Variants in NKAIN2 observed in about 807,000 individuals in gnomAD.
The protein encoded by NKAIN2 is sodium/potassium transporting ATPase interacting 2, also known as sodium/potassium-transporting ATPase subunit beta-1-interacting protein 2.
Under a neutral mutation model 32.6 loss-of-function variants are expected in NKAIN2, and 14 were observed. That is an observed-to-expected ratio of 0.43 (90% confidence interval 0.28 to 0.67). NKAIN2 has a LOEUF of 0.67. Among genes scored for constraint, NKAIN2 ranks in the 30% least tolerant of loss-of-function variants. The pLI, the probability that NKAIN2 is intolerant of heterozygous loss-of-function variation, is 0.17. For missense variants in NKAIN2, 198 were observed against 258.3 expected (o/e 0.77, Z 1.60); for synonymous variants, 80 against 87.2 (o/e 0.92, Z 0.46).
Position 124,063,230 on chromosome 6 carries a change from A to T in NKAIN2, c.55-219775A>T, listed in dbSNP as rs1265386477. ...ATATCTATCTGGTATTATTCTCATT[A>T]TGGAAAAAAATTAAAGACTTGAATT... On this transcript the variant is annotated intron_variant, in intron 1 of 6. Transcript: ENST00000368417. Among the ~76,000 whole-genome samples, 6 of 152,124 alleles carry T rather than the reference A, an allele frequency of 3.9e-5. No homozygotes were observed. The East Asian group carries it at 1.2e-3, about 29-fold the overall frequency.
chr6:123,869,223 T>C (rs961317009), intron 1 of NKAIN2, among the ~76,000 whole-genome samples: 1 of 152,232 alleles, frequency 6.6e-6, no homozygotes, highest in African/African-American at 2.4e-5. Context: ...CCCACACTTA[T>C]TCTTTCCTAG....
intron 1 of NKAIN2, among the ~76,000 whole-genome samples, chr6:124,037,004 A>G (rs548929120): frequency 2.6e-5 from 4 of 152,116 alleles, no homozygotes; most frequent in Non-Finnish European, 4.4e-5. Flanking sequence ...AGAGAACACT[A>G]GTCAGGTTAG....
chr6:124,298,461 G>A (rs1796155852), intron 2 of NKAIN2, among the ~76,000 whole-genome samples: 1 of 152,124 alleles, frequency 6.6e-6, no homozygotes, highest in Admixed American at 6.6e-5. Flanking sequence ...TGAAAATCAA[G>A]ATAAATATCA....
intron 4 of NKAIN2, among the ~76,000 whole-genome samples, chr6:124,727,391 G>T (rs1207675799): frequency 6.6e-6 from 1 of 151,802 alleles, no homozygotes; most frequent in Non-Finnish European, 1.5e-5. Context: ...GAAGAGAGTG[G>T]GGGCCAATAT....
At chr6:124,441,639 T>C (rs1775692091) in intron 3 of NKAIN2, among the ~76,000 whole-genome samples, 1 of 152,082 alleles carries the variant, frequency 6.6e-6, no homozygotes, top group African/African-American at 2.4e-5. Context: ...ATTGAGCAAG[T>C]ACACTTTCAG....
intron 2 of NKAIN2, among the ~76,000 whole-genome samples, chr6:124,321,704 C>G (rs1010014303): frequency 6.6e-6 from 1 of 152,124 alleles, no homozygotes; most frequent in Non-Finnish European, 1.5e-5. Flanking sequence ...AACCTGAGCT[C>G]TGGATGGCTA....
At chr6:124,324,038 G>A (rs185117545) in intron 2 of NKAIN2, among the ~76,000 whole-genome samples, 58 of 152,068 alleles carry the variant, frequency 3.8e-4, no homozygotes, top group Middle Eastern at 3.4e-3. Context: ...TGATCCACCC[G>A]CCTCAGCCTC....
intron 1 of NKAIN2, among the ~76,000 whole-genome samples, chr6:124,196,396 A>G (rs112072264): frequency 6.6e-6 from 1 of 152,110 alleles, no homozygotes; most frequent in African/African-American, 2.4e-5. Context: ...TCCCCATATT[A>G]TATATTTGGA....
intron 1 of NKAIN2, among the ~76,000 whole-genome samples, chr6:123,849,763 C>T (rs1775238232): frequency 6.6e-6 from 1 of 152,080 alleles, no homozygotes; most frequent in Admixed American, 6.5e-5. Flanking sequence ...TGTTAAATTA[C>T]TTCTTGGATT....
chr6:124,722,736 T>C (rs1424686751), intron 4 of NKAIN2, among the ~76,000 whole-genome samples: 1 of 152,234 alleles, frequency 6.6e-6, no homozygotes, highest in African/African-American at 2.4e-5. Flanking sequence ...GGGGGACCCC[T>C]GGCTTAAGGA....
At chr6:124,371,310 G>C (rs1799750553) in intron 3 of NKAIN2, among the ~76,000 whole-genome samples, 1 of 151,882 alleles carries the variant, frequency 6.6e-6, no homozygotes, top group African/African-American at 2.4e-5. Flanking sequence ...AACGAGACAA[G>C]AGTGTTTCCC....
chr6:124,231,623 G>A (rs1423788407), intron 1 of NKAIN2, among the ~76,000 whole-genome samples: 1 of 152,060 alleles, frequency 6.6e-6, no homozygotes, highest in Non-Finnish European at 1.5e-5. Flanking sequence ...TACGAAATCT[G>A]ATGTTTTAAA....
At chr6:124,521,695 T>C (rs574812581) in intron 3 of NKAIN2, among the ~76,000 whole-genome samples, 267 of 152,328 alleles carry the variant, frequency 1.8e-3, no homozygotes, top group African/African-American at 6.2e-3. Flanking sequence ...ATTGATGGTA[T>C]GAGTTTACTC....
intron 3 of NKAIN2, among the ~76,000 whole-genome samples, chr6:124,544,678 A>T (rs943108727): frequency 1.3e-5 from 2 of 152,060 alleles, no homozygotes; most frequent in Admixed American, 1.3e-4. Flanking sequence ...AAAAAAAAAG[A>T]TGATGTCTGA....
At chr6:124,453,035 G>T (rs1776170923) in intron 3 of NKAIN2, among the ~76,000 whole-genome samples, 1 of 151,946 alleles carries the variant, frequency 6.6e-6, no homozygotes, top group Admixed American at 6.6e-5. Flanking sequence ...TCTCTGTTCA[G>T]TAGATGCCAA....
At chr6:123,818,301 T>C (rs1773781510) in intron 1 of NKAIN2, among the ~76,000 whole-genome samples, 1 of 152,080 alleles carries the variant, frequency 6.6e-6, no homozygotes, top group Non-Finnish European at 1.5e-5. Context: ...AATGTGATTG[T>C]AAATTTAAAA....
chr6:124,528,724 T>C (rs1779410816), intron 3 of NKAIN2, among the ~76,000 whole-genome samples: 1 of 152,200 alleles, frequency 6.6e-6, no homozygotes, highest in Non-Finnish European at 1.5e-5. Context: ...AAACAATATA[T>C]TTTAAAACAT....
intron 2 of NKAIN2, among the ~76,000 whole-genome samples, chr6:124,328,954 C>T (rs1030574629): frequency 6.6e-6 from 1 of 152,202 alleles, no homozygotes; most frequent in Non-Finnish European, 1.5e-5. Context: ...AATGTCATCC[C>T]TTCTGGAAAC....
chr6:124,599,019 A>G (rs1381972547), intron 3 of NKAIN2, among the ~76,000 whole-genome samples: 2 of 141,954 alleles, frequency 1.4e-5, no homozygotes, highest in East Asian at 4.2e-4. Flanking sequence ...ACACAAATCT[A>G]TTTTTTTTTT....
Sources: gnomAD v4.1 joint callset for allele counts (sites outside exome capture counted in the v4.1 genomes callset) on GRCh38, gnomAD v4.1.1 for gene constraint, MANE v1.5 for transcripts, NCBI Gene and HGNC (gene_info 2026-07-23, HGNC 2026-07-21) for gene names.